Variants in RBL2 observed in about 807,000 individuals in gnomAD.
RBL2 encodes RB transcriptional corepressor like 2.
RBL2 carries 56 observed loss-of-function variants against 126.0 expected under a neutral mutation model. That is an observed-to-expected ratio of 0.44 (90% CI 0.36 to 0.56). The LOEUF (loss-of-function observed/expected upper bound fraction) is 0.56, where lower values mean the gene tolerates loss of function less well. Ranked by LOEUF, RBL2 falls within the 20% of genes least tolerant of loss-of-function variation. RBL2 has a pLI of 0.00. For missense variants in RBL2, 1,229 were observed against 1,398.2 expected (o/e 0.88, Z 1.93); for synonymous variants, 454 against 478.5 (o/e 0.95, Z 0.67).
rs918453303 is a variant in RBL2, at chr16:53,434,879, C to G, written c.240+83C>G. ...GAGCCGCGTCGCGCGCCTCGAGAGA[C>G]TCTCGGGCGGGTTGCGGGCTCCCAG... On this transcript the variant is annotated intron_variant, in intron 1 of 21. Transcript: ENST00000262133. 2.0e-5 allele frequency: 28 copies of G among 1,394,472 alleles called. No individual in the cohort carries two copies. In the African/African-American group the frequency reaches 3.8e-4, roughly 19 times the overall value. The allele number at this position is 1,394,472 out of a possible 1,614,324, so 86.4% of individuals were successfully genotyped here.
intron 1 of RBL2, among the ~76,000 whole-genome samples, 173 bp from the exon 2 acceptor site, chr16:53,438,843 C>CAAAAAAA (rs11302382): frequency 1.3e-4 from 4 of 30,534 alleles, no homozygotes; most frequent in Non-Finnish European, 1.9e-4. Context: ...GATTCCATCT[C>CAAAAAAA]AAAAAAAAAA....
At chr16:53,438,417 G>T (rs775727229) in intron 1 of RBL2, among the ~76,000 whole-genome samples, 3 of 152,200 alleles carry the variant, frequency 2.0e-5, no homozygotes, top group Non-Finnish European at 2.9e-5. Context: ...GAATTACATA[G>T]TTTCACTTCT....
chr16:53,476,291 G>A lies in RBL2; in HGVS notation c.2704-2863G>A, dbSNP rs567056466. Reference sequence around the variant, plus strand: ...TATGTAGCAATATGTTGTTAACTTCGTATTTGTAAGTTTCCCAAATTTGTT... The same window carrying A: ...TATGTAGCAATATGTTGTTAACTTCATATTTGTAAGTTTCCCAAATTTGTT... On this transcript the variant is annotated intron_variant, in intron 17 of 21. Transcript: ENST00000262133. 4.6e-5 allele frequency among the ~76,000 whole-genome samples: 7 copies of A among 152,156 alleles called. No homozygotes were observed. In the East Asian group the frequency reaches 7.7e-4, roughly 17 times the overall value.
chr16:53,474,140 A>G (rs1181573175), intron 17 of RBL2, among the ~76,000 whole-genome samples: 2 of 151,740 alleles, frequency 1.3e-5, no homozygotes, highest in African/African-American at 4.8e-5. Flanking sequence ...CTACAGGTAC[A>G]TGCTGCCATG....
At chr16:53,449,336 A>T (rs866247708) in intron 4 of RBL2, 29 of 152,092 alleles carry the variant, frequency 1.9e-4, no homozygotes, top group African/African-American at 6.3e-4. Flanking sequence ...CATTGTCCTT[A>T]TTTTGTTCTC....
rs1309963403 is a variant in RBL2, at chr16:53,490,206, G to C, written c.3326G>C (p.Gly1109Ala). The part of the protein sequence containing the change: ...TKKRGILLED[G>A]SESPAKRICP... Reference sequence around the variant, plus strand: ...AAGAGAGGAATTCTTTTGGAAGATGGAAGTGAATCACCTGCAAAAAGAATT... The same window carrying C: ...AAGAGAGGAATTCTTTTGGAAGATGCAAGTGAATCACCTGCAAAAAGAATT... Residue 1109 changes from glycine to alanine, a missense_variant, in exon 22 of 22, where the codon GGA (glycine) becomes GCA (alanine). Gly to Ala is a moderately conservative substitution (Grantham distance 60). Around this residue, in one of 2 missense-constraint regions of RBL2, gnomAD observed 1,070 missense variants for 1,274.3 expected, o/e 0.84. Coordinates refer to ENST00000262133, the MANE Select transcript of RBL2 (RefSeq NM_005611.4). 1 of 1,612,228 alleles carries C rather than the reference G, an allele frequency of 6.2e-7. No homozygotes were observed. The highest frequency in any genetic ancestry group is 1.1e-5 in the South Asian group (1 of 90,852).
In RBL2 at chr16:53,490,299, G is replaced by A. The variant is rs1360045137; in HGVS notation, c.3419G>A (p.Ter1140=). The A allele has an allele frequency of 3.7e-6, 6 of 1,603,094 alleles. No homozygotes were observed. The highest frequency in any genetic ancestry group is 2.2e-5 in the South Asian group (2 of 89,296). Residue 1140 remains the stop codon, a stop_retained_variant, in exon 22 of 22, where the codon TGA becomes TAA. Transcript: ENST00000262133. ...GTAGCTAATGACCGTGGTTCCCACT[G>A]AGGTTAGTCTCTTGTATTAAACTCT... ...QDVANDRGSH[*]
In RBL2 at chr16:53,434,746, G is replaced by C. The variant is rs994289451; in HGVS notation, c.190G>C (p.Ala64Pro). ...SRLNMDEAAR[A>P]EAWDSYRSMS... ...CCTCAACATGGACGAGGCGGCGCGG[G>C]CCGAGGCCTGGGACAGCTACCGCAG... The change falls in exon 1 of 22, where the codon GCC becomes CCC. Residue 64 changes from alanine (A) to proline (P), a missense_variant. Physicochemically the swap from Ala to Pro is conservative, Grantham distance 27. Transcript: ENST00000262133. The C allele has an allele frequency of 3.2e-6, 5 of 1,544,076 alleles. No individual in the cohort carries two copies. In the African/African-American group the frequency reaches 6.9e-5, roughly 21 times the overall value.
At position 53,462,548 on chromosome 16, in the gene RBL2, A is replaced by C; in HGVS notation, c.1457-4A>C. 1 of 1,506,852 alleles carries C rather than the reference A, an allele frequency of 6.6e-7. No homozygotes were observed. The highest frequency in any genetic ancestry group is 8.9e-7 in the Non-Finnish European group (1 of 1,122,788). 93.3% of individuals were successfully genotyped at this position (1,506,852 alleles called of 1,614,324 possible). ...TGGGGTTTTTTTTTTTATTATTTCT[A>C]CAGAAATTGCCAGCAAACATTTTCG... is the stretch of plus-strand genomic sequence containing the variant. On this transcript the variant is annotated splice_region_variant and splice_polypyrimidine_tract_variant and intron_variant, in intron 10 of 21. Transcript: ENST00000262133.
intron 4 of RBL2, 46 bp downstream of exon 4, chr16:53,447,152 AT>A: frequency 1.9e-6 from 2 of 1,048,136 alleles, no homozygotes; most frequent in Non-Finnish European, 1.4e-6. Flanking sequence ...GTCTATTTAC[AT>A]TTTCAGGTAT....
At chr16:53,477,607 A>G (rs1245700277) in intron 17 of RBL2, among the ~76,000 whole-genome samples, 1 of 152,042 alleles carries the variant, frequency 6.6e-6, no homozygotes, top group African/African-American at 2.4e-5. Context: ...CAGCCTCACA[A>G]AATGTTGGGA....
chr16:53,448,092 G>C (rs1005287169), intron 4 of RBL2, among the ~76,000 whole-genome samples: 1 of 152,166 alleles, frequency 6.6e-6, no homozygotes, highest in African/African-American at 2.4e-5. Flanking sequence ...AAGAATCTTA[G>C]AGCTGGAAGG....
rs781285978 is a variant in RBL2 at position 53,465,616 on chromosome 16, A to C, written c.1863+14A>C. 1 of 1,532,284 alleles carries C rather than the reference A, an allele frequency of 6.5e-7. No individual in the cohort carries two copies. Among genetic ancestry groups the C allele is most frequent in the Non-Finnish European group, 8.8e-7 (1 of 1,142,614 alleles). 94.9% of individuals were successfully genotyped at this position (1,532,284 alleles called of 1,614,324 possible). On this transcript the variant is annotated intron_variant, in intron 13 of 21. Transcript: ENST00000262133. Reference sequence around the variant, plus strand: ...ACATGTGAAGAGGTTTGTGAAAATAACATCTTTTTATGAGAAAAATACATC... The same window carrying C: ...ACATGTGAAGAGGTTTGTGAAAATACCATCTTTTTATGAGAAAAATACATC...
At chr16:53,436,559 C>T (rs2057960356) in intron 1 of RBL2, among the ~76,000 whole-genome samples, 1 of 152,150 alleles carries the variant, frequency 6.6e-6, no homozygotes, top group Admixed American at 6.5e-5. Context: ...GTGGGGCTTA[C>T]AGTGAGGTAC....
In RBL2 at chr16:53,434,589, C is replaced by A. The variant is rs1240412140; in HGVS notation, c.33C>A (p.Pro11=). MPSGGDQSPP[P]PPPPPAAAAS... ...CGGGAGGTGACCAGTCGCCACCGCCCCCGCCTCCCCCTCCGGCGGCGGCAG... is the reference window on the plus strand; with the variant it reads ...CGGGAGGTGACCAGTCGCCACCGCCACCGCCTCCCCCTCCGGCGGCGGCAG... Residue 11 remains proline (P), a synonymous_variant, in exon 1 of 22, where the codon CCC becomes CCA. Transcript: ENST00000262133. The A allele has an allele frequency of 3.9e-6, 6 of 1,542,918 alleles. No individual in the cohort carries two copies. The highest frequency in any genetic ancestry group is 2.4e-5 in the East Asian group (1 of 41,058).
Position 53,453,592 on chromosome 16 carries a change from A to T in RBL2, c.907A>T (p.Arg303Trp). ...IKEHFWKPYI[R>W]KLYEKKLLKG... The stretch of plus-strand genomic sequence containing the variant: ...GGAACATTTCTGGAAACCCTATATT[A>T]GGAAACTTTATGAAAAAAAGGTTTG... The change falls in exon 6 of 22, where the codon AGG (arginine) becomes TGG (tryptophan). Residue 303 changes from arginine to tryptophan, a missense_variant. Physicochemically the swap from Arg to Trp is moderately radical, Grantham distance 101. Coordinates refer to ENST00000262133, the MANE Select transcript of RBL2 (RefSeq NM_005611.4). 6.2e-7 allele frequency: 1 copy of T among 1,608,118 alleles called. No individual in the cohort carries two copies. Among genetic ancestry groups the T allele is most frequent in the Non-Finnish European group, 8.5e-7 (1 of 1,177,410 alleles).
rs185660418 is a variant in RBL2, at chr16:53,457,506, G to A, written c.1180-1945G>A. On this transcript the variant is annotated intron_variant, in intron 8 of 21. Coordinates refer to ENST00000262133, the MANE Select transcript of RBL2 (RefSeq NM_005611.4). ...GAACTCCTGACCTCATGATCTTCCC[G>A]CCTCGGCTTCCTGAAGTGCTGGGAT... Among the ~76,000 whole-genome samples, 21 of 151,834 alleles carry A rather than the reference G, an allele frequency of 1.4e-4. No individual in the cohort carries two copies. The East Asian group carries it at 4.1e-3, about 29-fold the overall frequency.
rs181311194 is a variant in RBL2 at position 53,451,325 on chromosome 16, G to A, written c.638-378G>A. ...GTTCAAGACCAGCCTGGGCAACATAGCAAGACTCCATCTCTAAAAAAAGTT... is the reference window on the plus strand; with the variant it reads ...GTTCAAGACCAGCCTGGGCAACATAACAAGACTCCATCTCTAAAAAAAGTT... On this transcript the variant is annotated intron_variant, in intron 4 of 21. Coordinates refer to ENST00000262133, the MANE Select transcript of RBL2 (RefSeq NM_005611.4). Among the ~76,000 whole-genome samples the A allele has an allele frequency of 7.8e-4, 119 of 152,218 alleles. 1 individual carries two copies. The highest frequency in any genetic ancestry group is 4.3e-4 in the Non-Finnish European group (29 of 68,018).
intron 11 of RBL2, 126 bp from the exon 12 acceptor site, chr16:53,464,100 A>G (rs2058249385): frequency 1.5e-6 from 1 of 659,552 alleles, no homozygotes; most frequent in Non-Finnish European, 2.3e-6. Flanking sequence ...GTAAGAAAAT[A>G]AGGACACACT....
Sources: gnomAD v4.1 joint callset for allele counts (sites outside exome capture counted in the v4.1 genomes callset) on GRCh38, gnomAD v4.1.1 for gene constraint, gnomAD v4.1.1 regional missense constraint, MANE v1.5 for transcripts, NCBI Gene and HGNC (gene_info 2026-07-23, HGNC 2026-07-21) for gene names.